Variants in GPC5 observed in about 807,000 individuals in gnomAD.
GPC5 encodes the protein glypican 5.
A neutral mutation model predicts 53.9 loss-of-function variants in GPC5; 47 were observed. That is an observed-to-expected ratio of 0.87 (90% CI 0.69 to 1.11). GPC5 has a LOEUF of 1.11. Ranked by LOEUF, GPC5 falls within the 50% of genes most tolerant of loss-of-function variation. The pLI is 0.00. For missense variants in GPC5, 748 were observed against 713.1 expected (o/e 1.05, Z -0.56); for synonymous variants, 286 against 263.3 (o/e 1.09, Z -0.84).
At chr13:92,511,384 T>C (rs901224545) in intron 7 of GPC5, among the ~76,000 whole-genome samples, 5 of 152,196 alleles carry the variant, frequency 3.3e-5, no homozygotes, top group Non-Finnish European at 7.3e-5. Context: ...ATATTTTAAT[T>C]ATGCTTTCTT....
intron 5 of GPC5, among the ~76,000 whole-genome samples, chr13:91,849,208 T>C (rs528080764): frequency 1.3e-5 from 2 of 152,298 alleles, no homozygotes; most frequent in African/African-American, 2.4e-5. Context: ...TTCAAAACCA[T>C]GCAATTTTCA....
chr13:92,475,006 C>A (rs551491773), intron 7 of GPC5, among the ~76,000 whole-genome samples: 5 of 152,102 alleles, frequency 3.3e-5, no homozygotes, highest in Admixed American at 2.0e-4. Flanking sequence ...GAAATGAGTA[C>A]AATTAGTGCT....
intron 6 of GPC5, among the ~76,000 whole-genome samples, chr13:92,073,079 A>G (rs771397177): frequency 6.6e-6 from 1 of 152,052 alleles, no homozygotes; most frequent in Non-Finnish European, 1.5e-5. Context: ...TTTTCCCTCT[A>G]CAAGCTAACT....
intron 7 of GPC5, among the ~76,000 whole-genome samples, chr13:92,786,833 G>A (rs115800476): frequency 3.8e-4 from 58 of 152,242 alleles, no homozygotes; most frequent in African/African-American, 1.4e-3. Context: ...TACCTGTGGG[G>A]TAATGAGGAA....
chr13:91,747,434 G>A (rs919008655), intron 4 of GPC5, among the ~76,000 whole-genome samples: 1 of 152,172 alleles, frequency 6.6e-6, no homozygotes, highest in Non-Finnish European at 1.5e-5. Flanking sequence ...AAGGCTGCAG[G>A]CTATGAATGA....
chr13:92,051,350 C>T (rs1315259120), intron 6 of GPC5, among the ~76,000 whole-genome samples: 5 of 151,906 alleles, frequency 3.3e-5, no homozygotes, highest in African/African-American at 1.2e-4. Context: ...TACAGGCGCA[C>T]ACCACCACGC....
chr13:91,461,234 G>A (rs1026574612), intron 2 of GPC5, among the ~76,000 whole-genome samples: 4 of 152,070 alleles, frequency 2.6e-5, no homozygotes, highest in Non-Finnish European at 5.9e-5. Flanking sequence ...TTCCCTCAGG[G>A]CATAGACTTA....
At chr13:92,231,436 A>G (rs577467294) in intron 7 of GPC5, among the ~76,000 whole-genome samples, 7 of 152,194 alleles carry the variant, frequency 4.6e-5, no homozygotes, top group Non-Finnish European at 4.4e-5. Flanking sequence ...ATTAGTCCTA[A>G]TTGTTTGGAG....
chr13:92,819,934 T>C (rs1256671854), intron 7 of GPC5, among the ~76,000 whole-genome samples: 1 of 152,188 alleles, frequency 6.6e-6, no homozygotes, highest in Non-Finnish European at 1.5e-5. Flanking sequence ...CTCATGGCTT[T>C]CCTTCTAGCT....
intron 5 of GPC5, among the ~76,000 whole-genome samples, chr13:91,851,634 G>A (rs1258156784): frequency 7.1e-6 from 1 of 141,422 alleles, no homozygotes; most frequent in African/African-American, 2.6e-5. Context: ...ATATCTCCCA[G>A]TGCTATCCCT....
intron 2 of GPC5, among the ~76,000 whole-genome samples, chr13:91,546,286 AAC>A (rs1270384611): frequency 2.6e-5 from 4 of 152,136 alleles, no homozygotes; most frequent in South Asian, 4.1e-4. Context: ...AAGTGAAATA[AAC>A]ACAGAAATTT....
intron 7 of GPC5, among the ~76,000 whole-genome samples, chr13:92,644,596 T>C (rs1176884107): frequency 6.6e-6 from 1 of 152,148 alleles, no homozygotes; most frequent in East Asian, 1.9e-4. Flanking sequence ...AGGATTTGAT[T>C]GGAGGGAAAA....
intron 7 of GPC5, among the ~76,000 whole-genome samples, chr13:92,148,734 C>G (rs1420057474): frequency 3.9e-5 from 6 of 152,028 alleles, no homozygotes; most frequent in African/African-American, 1.2e-4. Context: ...TTCACAGTAG[C>G]TAACTGATGA....
At chr13:92,317,814 T>G (rs549603675) in intron 7 of GPC5, among the ~76,000 whole-genome samples, 1 of 152,266 alleles carries the variant, frequency 6.6e-6, no homozygotes, top group East Asian at 1.9e-4. Context: ...TTTCTGTGTT[T>G]GAAAGAGATT....
At chr13:91,701,439 AT>A (rs1414954194) in intron 3 of GPC5, among the ~76,000 whole-genome samples, 3 of 152,022 alleles carry the variant, frequency 2.0e-5, no homozygotes, top group African/African-American at 7.2e-5. Flanking sequence ...TTCATACAAC[AT>A]TTGTCTTTCT....
At chr13:91,965,497 G>T (rs2040172322) in intron 6 of GPC5, among the ~76,000 whole-genome samples, 1 of 152,044 alleles carries the variant, frequency 6.6e-6, no homozygotes, top group Non-Finnish European at 1.5e-5. Context: ...TCTCTGTATA[G>T]TTATGAGGAG....
intron 2 of GPC5, among the ~76,000 whole-genome samples, chr13:91,535,776 G>A (rs769470099): frequency 5.9e-5 from 9 of 152,126 alleles, no homozygotes; most frequent in Non-Finnish European, 1.2e-4. Context: ...CAGAGGCCTA[G>A]TACTTAACTA....
intron 2 of GPC5, among the ~76,000 whole-genome samples, chr13:91,650,320 A>G (rs1364024128): frequency 6.6e-6 from 1 of 152,140 alleles, no homozygotes; most frequent in Non-Finnish European, 1.5e-5. Flanking sequence ...TCTGTTATTC[A>G]TCTTTATAGT....
intron 7 of GPC5, among the ~76,000 whole-genome samples, chr13:92,849,777 T>C (rs1878731087): frequency 1.3e-5 from 2 of 152,210 alleles, no homozygotes; most frequent in African/African-American, 4.8e-5. Context: ...TTACAGCAAT[T>C]CTTAATATTC....
Sources: gnomAD v4.1 joint callset for allele counts (sites outside exome capture counted in the v4.1 genomes callset) on GRCh38, gnomAD v4.1.1 for gene constraint, MANE v1.5 for transcripts, NCBI Gene and HGNC (gene_info 2026-07-23, HGNC 2026-07-21) for gene names.